The following MICALL2 variants were observed in gnomAD, a reference collection of about 807,000 sequenced individuals.
MICALL2 encodes MICAL-like protein 2.
Under a neutral mutation model 91.1 loss-of-function variants are expected in MICALL2, and 111 were observed. That is an observed-to-expected ratio of 1.22 (90% CI 1.04 to 1.43). The LOEUF (loss-of-function observed/expected upper bound fraction) is 1.43. Among genes scored for constraint, MICALL2 ranks in the 40% most tolerant of loss-of-function variants. The pLI is 0.00. For missense variants in MICALL2, 1,556 were observed against 1,236.0 expected, an observed-to-expected ratio of 1.26 and a Z score of -3.88; for synonymous variants, 694 against 525.3, an observed-to-expected ratio of 1.32 and a Z score of -4.39.
rs1489403493 is a variant in MICALL2, at chr7:1,442,177, C to T, written c.1711+15G>A. 3 of 1,611,040 alleles carry T rather than the reference C, an allele frequency of 1.9e-6. No homozygotes were observed. The highest frequency in any genetic ancestry group is 1.7e-6 in the Non-Finnish European group (2 of 1,179,526). ...CGGGCCCCCGGGGCCTCCTGCCTCCCAGCCCCTTACTCACCCTGCGTTAAG... is the reference window on the plus strand; with the variant it reads ...CGGGCCCCCGGGGCCTCCTGCCTCCTAGCCCCTTACTCACCCTGCGTTAAG... On this transcript the variant is annotated intron_variant, in intron 7 of 16. Transcript: ENST00000297508.
intron 1 of MICALL2, among the ~76,000 whole-genome samples, chr7:1,454,598 C>T (rs1216232707): frequency 6.6e-6 from 1 of 152,234 alleles, no homozygotes; most frequent in Non-Finnish European, 1.5e-5. Context: ...CGCGCCCGTC[C>T]TGGAGGGTTC....
At chr7:1,437,111 T>TCA (rs1298455787) in intron 14 of MICALL2, 10 of 479,844 alleles carry the variant, frequency 2.1e-5, no homozygotes, top group Non-Finnish European at 3.6e-6. Context: ...ACACTGAGGC[T>TCA]CAGGGCGTCG....
At chr7:1,453,406 G>A (rs1043352999) in intron 1 of MICALL2, among the ~76,000 whole-genome samples, 13 of 152,168 alleles carry the variant, frequency 8.5e-5, no homozygotes, top group Non-Finnish European at 1.5e-4. Context: ...GCCAAGGAGA[G>A]AGGCCGGGAA....
At chr7:1,445,468 C>G (rs1319113957) in intron 5 of MICALL2, 40 bp from the exon 6 acceptor site, 1 of 1,450,222 alleles carries the variant, frequency 6.9e-7, no homozygotes, top group East Asian at 2.5e-5. Context: ...CTCGGCACCG[C>G]CCACCCCGCC....
At position 1,444,546 on chromosome 7, in the gene MICALL2, C is replaced by T. The variant is rs112533460; in HGVS notation, c.1418+106G>A. 286 of 1,143,524 alleles carry T rather than the reference C, an allele frequency of 2.5e-4. No homozygotes were observed. In the African/African-American group the frequency reaches 4.0e-3, roughly 16 times the overall value. The allele number at this position is 1,143,524 out of a possible 1,614,324, so 70.8% of individuals were successfully genotyped here. A position where few individuals can be genotyped will look rare whatever the true frequency, so the allele number is the denominator to read the frequency against. ...CTGGGGGAAGTGCAGTCCCCAAGGC[C>T]ACACAGCCAGGGAGGTGCAGCGCCC... On this transcript the variant is annotated intron_variant, in intron 6 of 16. Transcript: ENST00000297508.
chr7:1,439,632 T>C (rs944278450), intron 9 of MICALL2: 2 of 341,592 alleles, frequency 5.9e-6, no homozygotes, highest in African/African-American at 2.1e-5. Context: ...AACAGACACA[T>C]GGACATGCAT....
At position 1,447,647 on chromosome 7, in the gene MICALL2, T is replaced by C. The variant is rs771152506; in HGVS notation, c.453A>G (p.Pro151=). ...CAGGGTTTGTCTGGGCTGGAGATAG[T>C]GGAGGCTTCCGGGCTGGGGCGGGCG... ...LPSPAPARKP[P]LSPAQTNPVV... Residue 151 remains proline, a synonymous_variant, in exon 4 of 17, where the codon CCA becomes CCG. Coordinates refer to ENST00000297508, the MANE Select transcript of MICALL2 (RefSeq NM_182924.4). 17 of 1,595,984 alleles carry C rather than the reference T, an allele frequency of 1.1e-5. No individual in the cohort carries two copies. The South Asian group carries it at 1.3e-4, about 12-fold the overall frequency.
At chr7:1,459,043 G>T in intron 1 of MICALL2, 141 bp downstream of exon 1, 1 of 826,606 alleles carries the variant, frequency 1.2e-6, no homozygotes, top group Non-Finnish European at 1.9e-6. Context: ...GGACAGCCTC[G>T]GGGGGCTGCA....
In MICALL2 at chr7:1,437,703, GAC is replaced by G. The variant is rs531062737; in HGVS notation, c.2403-97_2403-96del. On this transcript the variant is annotated intron_variant, in intron 13 of 16. Coordinates refer to ENST00000297508, the MANE Select transcript of MICALL2 (RefSeq NM_182924.4). Reference sequence around the variant, plus strand: ...AACGAGGTCCTGGACCTGCCACACAGACACGAGTCTGAGGCCTGACTCGCCGC... The same window carrying G: ...AACGAGGTCCTGGACCTGCCACACAGACGAGTCTGAGGCCTGACTCGCCGC... 190 of 1,373,440 alleles carry G rather than the reference GAC, an allele frequency of 1.4e-4. 1 individual carries two copies. In the African/African-American group the frequency reaches 2.4e-3, roughly 18 times the overall value. The allele number at this position is 1,373,440 out of a possible 1,614,324, so 85.1% of individuals were successfully genotyped here.
intron 5 of MICALL2, 98 bp downstream of exon 5, chr7:1,446,615 G>C: frequency 1.3e-6 from 1 of 783,170 alleles, no homozygotes; most frequent in Non-Finnish European, 2.1e-6. Context: ...GGAACGAGGA[G>C]CGGGGAGGAG....
At chr7:1,434,984 C>CGGGGCG in intron 16 of MICALL2, 117 bp downstream of exon 16, 1 of 449,088 alleles carries the variant, frequency 2.2e-6, no homozygotes. Flanking sequence ...ACCCGATACC[C>CGGGGCG]GCCCCCCCCC....
rs1288881864 is a variant in MICALL2 at position 1,459,312 on chromosome 7, C to T, written c.15G>A (p.Arg5=). Residue 5 remains arginine, a synonymous_variant, in exon 1 of 17, where the codon AGG becomes AGA. Transcript: ENST00000297508. The part of the protein sequence containing the change: MAAI[R]ALQQWCRQQC... The stretch of plus-strand genomic sequence containing the variant: ...GCTGCCGGCACCACTGTTGCAGCGC[C>T]CTGATGGCCGCCATGTGGGCGGCGC... The T allele has an allele frequency of 6.4e-7, 1 of 1,560,156 alleles. No individual in the cohort carries two copies. The highest frequency in any genetic ancestry group is 8.7e-7 in the Non-Finnish European group (1 of 1,156,050).
Position 1,444,713 on chromosome 7 carries a change from G to C in MICALL2, c.1357C>G (p.Arg453Gly). ...GAGAGGGCCTGCTTGAGGAAGTTCC[G>C]CGCCTGCTCCTTGCTGCTGTCCTTG... ...LSKDSSKEQARNFLKQALSAL... is the reference protein window; with the variant it reads ...LSKDSSKEQAGNFLKQALSAL... Residue 453 changes from arginine to glycine, a missense_variant, in exon 6 of 17, where the codon CGG becomes GGG. Coordinates refer to ENST00000297508, the MANE Select transcript of MICALL2 (RefSeq NM_182924.4). 6.2e-7 allele frequency: 1 copy of C among 1,612,376 alleles called. No individual in the cohort carries two copies. The highest frequency in any genetic ancestry group is 1.1e-5 in the South Asian group (1 of 91,076).
intron 9 of MICALL2, chr7:1,439,369 T>C (rs1309641200): frequency 1.2e-5 from 3 of 248,724 alleles, no homozygotes; most frequent in African/African-American, 4.6e-5. Context: ...ATGAAACAGA[T>C]CCACACATGG....
intron 5 of MICALL2, 35 bp from the exon 6 acceptor site, chr7:1,445,463 C>T: frequency 6.9e-7 from 1 of 1,458,684 alleles, no homozygotes; most frequent in Non-Finnish European, 9.0e-7. Flanking sequence ...CCCAGCTCGG[C>T]ACCGCCCACC....
At chr7:1,441,756 T>G in intron 7 of MICALL2, 1 of 206,162 alleles carries the variant, frequency 4.9e-6, no homozygotes, top group Non-Finnish European at 9.9e-6. Context: ...CCATCTCCGG[T>G]ATGTGGTGAC....
chr7:1,442,821 A>G (rs1022047852), intron 6 of MICALL2, among the ~76,000 whole-genome samples: 6 of 152,160 alleles, frequency 3.9e-5, no homozygotes, highest in African/African-American at 1.2e-4. Context: ...GGCTGAGATT[A>G]AAATATCCAC....
At chr7:1,434,980 T>TTGCCCCCCCC in intron 16 of MICALL2, 121 bp downstream of exon 16, 2 of 628,932 alleles carry the variant, frequency 3.2e-6, no homozygotes, top group Non-Finnish European at 5.6e-6. Context: ...GGGGACCCGA[T>TTGCCCCCCCC]ACCCGCCCCC....
intron 2 of MICALL2, among the ~76,000 whole-genome samples, chr7:1,449,343 A>T (rs889181435): frequency 6.6e-6 from 1 of 152,208 alleles, no homozygotes; most frequent in Non-Finnish European, 1.5e-5. Flanking sequence ...TTGGAGACAG[A>T]GTCTCACTCT....
Sources: allele counts gnomAD v4.1 joint callset (sites outside exome capture counted in the v4.1 genomes callset), GRCh38; gene constraint gnomAD v4.1.1; transcripts MANE v1.5; gene names NCBI Gene and HGNC (gene_info 2026-07-23, HGNC 2026-07-21).